The following PRDM16 variants were observed in gnomAD, a reference collection of about 807,000 sequenced individuals.
PRDM16 encodes the protein histone-lysine N-methyltransferase PRDM16.
PRDM16 carries 23 observed loss-of-function variants against 110.6 expected under a neutral mutation model. The ratio of observed to expected loss-of-function variants is 0.21; its 90% CI spans 0.15 to 0.29. The LOEUF is 0.29. Ranked by LOEUF, PRDM16 falls within the 10% of genes least tolerant of loss-of-function variation. PRDM16 has a pLI of 1.00. For synonymous variants in PRDM16, 799 were observed against 781.8 expected, an observed-to-expected ratio of 1.02 and a Z score of -0.37; for missense variants, 1,615 against 1,794.3, an observed-to-expected ratio of 0.90 and a Z score of 1.81.
chr1:3,352,892 G>A (rs1436917000), intron 3 of PRDM16, among the ~76,000 whole-genome samples: 1 of 150,506 alleles, frequency 6.6e-6, no homozygotes, highest in Admixed American at 6.6e-5. Flanking sequence ...GGCCGCATTT[G>A]GTGTTCACAC....
chr1:3,294,597 AGCAGCCC>A (rs2100368368), intron 3 of PRDM16, among the ~76,000 whole-genome samples: 1 of 152,032 alleles, frequency 6.6e-6, no homozygotes, highest in East Asian at 1.9e-4. Context: ...ACATCCCCGG[AGCAGCCC>A]GCGTTAGAAC....
intron 1 of PRDM16, among the ~76,000 whole-genome samples, chr1:3,128,742 G>A (rs898537870): frequency 3.9e-5 from 6 of 152,054 alleles, no homozygotes; most frequent in African/African-American, 7.3e-5. Context: ...GCTGTTTTCC[G>A]GTGGTGGCAA....
At chr1:3,153,644 TC>T (rs1466019923) in intron 1 of PRDM16, among the ~76,000 whole-genome samples, 2 of 152,222 alleles carry the variant, frequency 1.3e-5, no homozygotes, top group African/African-American at 2.4e-5. Flanking sequence ...GATTCACCCT[TC>T]CGGAAAAGGC....
chr1:3,089,177 C>T (rs1389898103), intron 1 of PRDM16, among the ~76,000 whole-genome samples: 3 of 152,228 alleles, frequency 2.0e-5, no homozygotes, highest in Non-Finnish European at 2.9e-5. Flanking sequence ...TGGGCCCCTC[C>T]GACTCGACGT....
rs1640908786 is a variant in PRDM16 at position 3,288,643 on chromosome 1, C to T, written c.438+44506C>T. Among the ~76,000 whole-genome samples, 7 of 152,140 alleles carry T rather than the reference C, an allele frequency of 4.6e-5. No individual in the cohort carries two copies. The South Asian group carries it at 1.4e-3, about 31-fold the overall frequency. On this transcript the variant is annotated intron_variant, in intron 3 of 16. Transcript: ENST00000270722. ...GAGGCCACCACCACCCATAGCCCCTCCCCCACCACCCCAGGGGCTCTAAAG... is the reference window on the plus strand; with the variant it reads ...GAGGCCACCACCACCCATAGCCCCTTCCCCACCACCCCAGGGGCTCTAAAG...
chr1:3,156,687 G>A (rs1007299174), intron 1 of PRDM16, among the ~76,000 whole-genome samples: 5 of 152,186 alleles, frequency 3.3e-5, no homozygotes, highest in African/African-American at 9.7e-5. Flanking sequence ...GGTTGGACCC[G>A]TTCAGAGAAG....
intron 2 of PRDM16, among the ~76,000 whole-genome samples, chr1:3,202,110 GGA>G (rs59512254): frequency 0.21 from 32,217 of 152,046 alleles, 4,455 homozygotes; most frequent in South Asian, 0.46. Flanking sequence ...CAAAGTCCTT[GGA>G]GACACCCCCG....
chr1:3,273,431 C>T (rs1439525911), intron 3 of PRDM16, among the ~76,000 whole-genome samples: 3 of 147,012 alleles, frequency 2.0e-5, no homozygotes, highest in Admixed American at 6.8e-5. Context: ...TATGAGGGTG[C>T]GTGCACATGT....
chr1:3,130,506 G>A (rs936523577), intron 1 of PRDM16, among the ~76,000 whole-genome samples: 11 of 152,202 alleles, frequency 7.2e-5, no homozygotes, highest in Non-Finnish European at 1.0e-4. Flanking sequence ...TCCAGGGCCC[G>A]CCCAGCAGCC....
intron 1 of PRDM16, among the ~76,000 whole-genome samples, chr1:3,150,899 C>T (rs1398278175): frequency 2.0e-3 from 171 of 87,686 alleles, no homozygotes; most frequent in African/African-American, 7.3e-3. Context: ...GCTATGGAAA[C>T]GGGGGGGCTG....
rs1409564244 is a variant in PRDM16, at chr1:3,299,391, C to G, written c.438+55254C>G. ...GTTTCAGATCCCAGTTGTGGTGACT[C>G]TGCCCTTGTTGAAGATGCTATGCTG... On this transcript the variant is annotated intron_variant, in intron 3 of 16. Transcript: ENST00000270722. Among the ~76,000 whole-genome samples, 23 of 91,456 alleles carry G rather than the reference C, an allele frequency of 2.5e-4. 4 individuals are homozygous for G. The highest frequency in any genetic ancestry group is 5.0e-4 in the Non-Finnish European group (20 of 39,806). 60.0% of individuals were successfully genotyped at this position (91,456 alleles called of 152,430 possible). A position where few individuals can be genotyped will look rare whatever the true frequency, so the allele number is the denominator to read the frequency against.
intron 3 of PRDM16, among the ~76,000 whole-genome samples, chr1:3,371,491 C>A (rs1642908257): frequency 6.8e-6 from 1 of 146,400 alleles, no homozygotes; most frequent in African/African-American, 2.5e-5. Flanking sequence ...CATCCACCCA[C>A]CCATCCATCC....
chr1:3,197,695 A>G (rs967182833), intron 2 of PRDM16, among the ~76,000 whole-genome samples: 1 of 152,032 alleles, frequency 6.6e-6, no homozygotes, highest in African/African-American at 2.4e-5. Context: ...ATGGGTGGGG[A>G]GGGCGGCCCC....
At chr1:3,347,166 G>A (rs565162288) in intron 3 of PRDM16, among the ~76,000 whole-genome samples, 4 of 152,326 alleles carry the variant, frequency 2.6e-5, no homozygotes, top group South Asian at 2.1e-4. Context: ...AGGGGCAGGC[G>A]GCCGTCCCTC....
intron 4 of PRDM16, among the ~76,000 whole-genome samples, chr1:3,389,065 C>T (rs372753055): frequency 2.6e-5 from 4 of 152,208 alleles, no homozygotes; most frequent in African/African-American, 4.8e-5. Flanking sequence ...TCACTGACCA[C>T]GTGTCCCTCT....
At chr1:3,421,907 A>G (rs570769008) in intron 12 of PRDM16, among the ~76,000 whole-genome samples, 5 of 149,736 alleles carry the variant, frequency 3.3e-5, no homozygotes, top group Admixed American at 6.6e-5. Flanking sequence ...TAGGCAGGCA[A>G]ACAGACAGGA....
intron 3 of PRDM16, among the ~76,000 whole-genome samples, chr1:3,340,771 C>T (rs1416962925): frequency 6.6e-6 from 1 of 152,204 alleles, no homozygotes; most frequent in East Asian, 1.9e-4. Context: ...GAACAACGGC[C>T]TCTTTATGAA....
intron 3 of PRDM16, among the ~76,000 whole-genome samples, chr1:3,321,084 G>T (rs1489249102): frequency 2.6e-5 from 4 of 152,182 alleles, no homozygotes; most frequent in Non-Finnish European, 5.9e-5. Flanking sequence ...GAGCTGCGTG[G>T]GTGTGATTTG....
chr1:3,116,534 T>C (rs1386021853), intron 1 of PRDM16, among the ~76,000 whole-genome samples: 2 of 152,116 alleles, frequency 1.3e-5, no homozygotes, highest in Non-Finnish European at 2.9e-5. Context: ...ACGCGCCTGC[T>C]TGTCTTTCCC....
Sources: gnomAD v4.1 joint callset for allele counts (sites outside exome capture counted in the v4.1 genomes callset) on GRCh38, gnomAD v4.1.1 for gene constraint, MANE v1.5 for transcripts, NCBI Gene and HGNC (gene_info 2026-07-23, HGNC 2026-07-21) for gene names.